PAFAH1B1: variants seen among roughly 807,000 people sequenced by gnomAD.
The protein encoded by PAFAH1B1 is platelet-activating factor acetylhydrolase IB subunit beta.
In PAFAH1B1, 2 loss-of-function variants were observed where a neutral mutation model predicts 57.5. That is an observed-to-expected ratio of 0.03 (90% CI 0.01 to 0.11). The LOEUF is 0.11. PAFAH1B1 is among the 10% of genes least tolerant of loss of function. PAFAH1B1 has a pLI of 1.00. For missense variants in PAFAH1B1, 257 were observed against 512.0 expected, an observed-to-expected ratio of 0.50 and a Z score of 4.81; for synonymous variants, 152 against 169.6, an observed-to-expected ratio of 0.90 and a Z score of 0.81.
intron 2 of PAFAH1B1, among the ~76,000 whole-genome samples, chr17:2,647,088 G>A (rs551192160): frequency 1.3e-5 from 2 of 152,148 alleles, no homozygotes; most frequent in Admixed American, 1.3e-4. Context: ...AGTGGCTCAT[G>A]CCTGTAATCA....
At chr17:2,615,169 G>T (rs990632651) in intron 1 of PAFAH1B1, among the ~76,000 whole-genome samples, 5 of 152,116 alleles carry the variant, frequency 3.3e-5, no homozygotes, top group African/African-American at 1.2e-4. Flanking sequence ...GGTATTCTAA[G>T]TAATCTAGAG....
chr17:2,607,018 G>A (rs12947002), intron 1 of PAFAH1B1, among the ~76,000 whole-genome samples: 42,776 of 151,108 alleles, frequency 0.28, 6,198 homozygotes, highest in Middle Eastern at 0.35. Context: ...TAGAGATGGG[G>A]TTTCACCATG....
chr17:2,653,864 A>T (rs1219929099), intron 2 of PAFAH1B1, among the ~76,000 whole-genome samples: 2 of 152,130 alleles, frequency 1.3e-5, no homozygotes, highest in African/African-American at 4.8e-5. Context: ...GCTGGAGTAC[A>T]GTGGCGCAAT....
intron 2 of PAFAH1B1, among the ~76,000 whole-genome samples, chr17:2,643,616 G>A (rs1181411058): frequency 6.6e-6 from 1 of 151,542 alleles, no homozygotes; most frequent in East Asian, 1.9e-4. Flanking sequence ...CTGGAGTGCA[G>A]TGGGGTGATC....
At chr17:2,627,059 G>A (rs2068503438) in intron 1 of PAFAH1B1, among the ~76,000 whole-genome samples, 1 of 152,188 alleles carries the variant, frequency 6.6e-6, no homozygotes, top group African/African-American at 2.4e-5. Context: ...TTACTCTGCT[G>A]ATTGTTCCTT....
At chr17:2,620,629 C>T (rs961850607) in intron 1 of PAFAH1B1, among the ~76,000 whole-genome samples, 1 of 151,996 alleles carries the variant, frequency 6.6e-6, no homozygotes, top group Non-Finnish European at 1.5e-5. Flanking sequence ...TTTGGGAGGC[C>T]GAGGTCGGTA....
chr17:2,644,101 C>G (rs972278028), intron 2 of PAFAH1B1, among the ~76,000 whole-genome samples: 2 of 151,020 alleles, frequency 1.3e-5, no homozygotes, highest in Admixed American at 6.6e-5. Context: ...TGGTCTCACT[C>G]TTGGGCCCAA....
At chr17:2,636,519 G>A (rs1195851274) in intron 1 of PAFAH1B1, among the ~76,000 whole-genome samples, 1 of 151,956 alleles carries the variant, frequency 6.6e-6, no homozygotes, top group South Asian at 2.1e-4. Flanking sequence ...GTAGCATGTT[G>A]GCTCACTGCA....
chr17:2,608,378 C>G lies in PAFAH1B1; in HGVS notation c.-191+14372C>G, dbSNP rs141794869. Among the ~76,000 whole-genome samples the G allele has an allele frequency of 2.6e-5, 4 of 152,352 alleles. No homozygotes were observed. In the East Asian group the frequency reaches 7.7e-4, roughly 29 times the overall value. On this transcript the variant is annotated intron_variant, in intron 1 of 10. Transcript: ENST00000397195. ...GGATTACAGGCGTGAGCCATCACAC[C>G]TGGCCCTTTTACCATATTTTCTTTA...
chr17:2,677,982 C>T (rs879824279), intron 9 of PAFAH1B1, among the ~76,000 whole-genome samples: 8 of 152,150 alleles, frequency 5.3e-5, no homozygotes, highest in Admixed American at 2.0e-4. Context: ...GCAGGCCAGG[C>T]GCAGTGGCTC....
In PAFAH1B1 at chr17:2,684,589, C is replaced by G. The variant is rs1406403826; in HGVS notation, c.*2787C>G. On this transcript the variant is annotated 3_prime_UTR_variant, in exon 11 of 11. Transcript: ENST00000397195. The stretch of plus-strand genomic sequence containing the variant: ...ATATCTGTAACGTGCCCAAGAAATC[C>G]TAGCTGCGCTCTTGAGAGTGCATGC... 6.6e-6 allele frequency: 1 copy of G among 152,636 alleles called. No homozygotes were observed. The highest frequency in any genetic ancestry group is 2.4e-5 in the African/African-American group (1 of 41,456). The allele number at this position is 152,636 out of a possible 1,614,324, so 9.5% of individuals were successfully genotyped here. A position where few individuals can be genotyped will look rare whatever the true frequency, so the allele number is the denominator to read the frequency against.
intron 8 of PAFAH1B1, among the ~76,000 whole-genome samples, chr17:2,675,956 T>G (rs997246331): frequency 1.3e-5 from 2 of 152,210 alleles, no homozygotes; most frequent in African/African-American, 4.8e-5. Context: ...AAAAGTAAAT[T>G]TATTATCTGT....
chr17:2,676,264 T>C, intron 8 of PAFAH1B1: 1 of 441,142 alleles, frequency 2.3e-6, no homozygotes, highest in South Asian at 2.1e-5. Context: ...TGTAATCACA[T>C]CTACTTGGGA....
chr17:2,628,192 CATT>C (rs1191435395), intron 1 of PAFAH1B1, among the ~76,000 whole-genome samples: 1 of 152,252 alleles, frequency 6.6e-6, no homozygotes, highest in East Asian at 1.9e-4. Flanking sequence ...TTTCCCCTTT[CATT>C]ATTATGTTGG....
At chr17:2,664,668 C>A (rs887711030) in intron 2 of PAFAH1B1, among the ~76,000 whole-genome samples, 2 of 108,234 alleles carry the variant, frequency 1.8e-5, no homozygotes, top group Non-Finnish European at 2.2e-5. Flanking sequence ...ATCTATCGCT[C>A]TCTCTCTCTC....
intron 1 of PAFAH1B1, among the ~76,000 whole-genome samples, chr17:2,599,203 A>G (rs1041686206): frequency 5.9e-5 from 9 of 152,196 alleles, no homozygotes; most frequent in Non-Finnish European, 1.3e-4. Context: ...TTTTTGAGGT[A>G]GATTGGTATT....
intron 8 of PAFAH1B1, among the ~76,000 whole-genome samples, chr17:2,675,143 G>A (rs559308765): frequency 2.0e-5 from 3 of 152,154 alleles, no homozygotes; most frequent in East Asian, 1.9e-4. Flanking sequence ...CTGGGACCAC[G>A]GATGCATGTA....
chr17:2,672,772 T>G lies in PAFAH1B1; in HGVS notation c.671+15T>G, dbSNP rs1459912224. 4 of 1,530,996 alleles carry G rather than the reference T, an allele frequency of 2.6e-6. No individual in the cohort carries two copies. Among genetic ancestry groups the G allele is most frequent in the African/African-American group, 2.7e-5 (2 of 73,356 alleles). 94.8% of individuals were successfully genotyped at this position (1,530,996 alleles called of 1,614,324 possible). A position where few individuals can be genotyped will look rare whatever the true frequency, so the allele number is the denominator to read the frequency against. On this transcript the variant is annotated intron_variant, in intron 7 of 10. Coordinates refer to ENST00000397195, the MANE Select transcript of PAFAH1B1 (RefSeq NM_000430.4). ...GTGCAAACTGGGTAAGTAAGTTTAG[T>G]TGAAAAGGCATCAGCGGCCAGGTGC...
chr17:2,631,458 C>T (rs1393958017), intron 1 of PAFAH1B1, among the ~76,000 whole-genome samples: 3 of 152,096 alleles, frequency 2.0e-5, no homozygotes, highest in Non-Finnish European at 2.9e-5. Context: ...GGTTTTACCC[C>T]CTCCTTCTCT....
Sources: allele counts gnomAD v4.1 joint callset (sites outside exome capture counted in the v4.1 genomes callset), GRCh38; gene constraint gnomAD v4.1.1; transcripts MANE v1.5; gene names NCBI Gene and HGNC (gene_info 2026-07-23, HGNC 2026-07-21).